Variants in DNAH6 observed in about 807,000 individuals in gnomAD.
DNAH6 encodes the protein dynein axonemal heavy chain 6, also known as axonemal beta dynein heavy chain 6.
Under a neutral mutation model 491.4 loss-of-function variants are expected in DNAH6, and 340 were observed. The ratio of observed to expected loss-of-function variants is 0.69; its 90% CI spans 0.63 to 0.76. DNAH6 has a LOEUF of 0.76. Ranked by LOEUF, DNAH6 falls within the 30% of genes least tolerant of loss-of-function variation. The pLI is 0.00. For missense variants in DNAH6, 4,443 were observed against 4,972.2 expected, an observed-to-expected ratio of 0.89 and a Z score of 3.20; for synonymous variants, 1,603 against 1,686.1, an observed-to-expected ratio of 0.95 and a Z score of 1.21.
intron 47 of DNAH6, among the ~76,000 whole-genome samples, chr2:84,698,036 CCTGTGGCGGG>C (rs1160932513): frequency 6.6e-6 from 1 of 152,204 alleles, no homozygotes; most frequent in African/African-American, 2.4e-5. Context: ...CAGCACCCTA[CCTGTGGCGGG>C]CTGAAGGCAT....
the DNAH6 span, among the ~76,000 whole-genome samples, chr2:84,507,352 A>C: frequency 6.6e-6 from 1 of 152,122 alleles, no homozygotes; most frequent in Admixed American, 6.5e-5. Context: ...TTCACTCAAG[A>C]TTTGGCTCTC....
At chr2:84,771,193 C>T (rs1200020222) in intron 64 of DNAH6, among the ~76,000 whole-genome samples, 2 of 151,638 alleles carry the variant, frequency 1.3e-5, no homozygotes, top group East Asian at 1.9e-4. Flanking sequence ...GAGACTGAGG[C>T]AGGAGAACCA....
chr2:84,710,212 T>C, intron 55 of DNAH6, 75 bp from the exon 56 acceptor site: 2 of 1,493,556 alleles, frequency 1.3e-6, no homozygotes, highest in South Asian at 2.7e-5. Flanking sequence ...TTCCACACTT[T>C]CTTCTAAAGC....
the DNAH6 span, among the ~76,000 whole-genome samples, chr2:84,480,753 A>G: frequency 6.6e-6 from 1 of 152,206 alleles, no homozygotes; most frequent in Non-Finnish European, 1.5e-5. Context: ...ACCTTAGGTC[A>G]GGAGTTCAAG....
intron 42 of DNAH6, among the ~76,000 whole-genome samples, chr2:84,683,789 T>G (rs1438016915): frequency 2.6e-5 from 4 of 152,160 alleles, no homozygotes; most frequent in African/African-American, 9.7e-5. Flanking sequence ...ATCTGCAAAG[T>G]AGCCAAAGTA....
chr2:84,598,159 C>CTTTCTTTCTTTCTTTCTTTCTCTCTTTCT (rs1684844441), intron 18 of DNAH6, among the ~76,000 whole-genome samples: 3 of 71,202 alleles, frequency 4.2e-5, no homozygotes, highest in African/African-American at 1.0e-4. Context: ...TTCTTTCTTT[C>CTTTCTTTCTTTCTTTCTTTCTCTCTTTCT]TTTCTTTCTT....
In DNAH6 at chr2:84,805,690, A is replaced by G; in HGVS notation, c.11507A>G (p.Asn3836Ser). The G allele has an allele frequency of 6.4e-7, 1 of 1,551,778 alleles. No homozygotes were observed. The highest frequency in any genetic ancestry group is 8.7e-7 in the Non-Finnish European group (1 of 1,146,922). ...TACAAAGAGACCAGCACTTTAATCAACACCATACTTGAGGTTCAGCCAAGG... is the reference window on the plus strand; with the variant it reads ...TACAAAGAGACCAGCACTTTAATCAGCACCATACTTGAGGTTCAGCCAAGG... ...FQYKETSTLI[N>S]TILEVQPRSS... The change falls in exon 71 of 77, where the codon AAC becomes AGC. Residue 3836 changes from asparagine to serine, a missense_variant. Asn to Ser is a conservative substitution (Grantham distance 46, BLOSUM62 1). This residue lies in a region of DNAH6 where 1,463 missense variants were observed against 1,656.6 expected (regional missense o/e 0.88). Coordinates refer to ENST00000389394, the MANE Select transcript of DNAH6 (RefSeq NM_001370.2).
At chr2:84,603,147 A>G (rs185075788) in intron 18 of DNAH6, among the ~76,000 whole-genome samples, 1 of 152,012 alleles carries the variant, frequency 6.6e-6, no homozygotes, top group East Asian at 1.9e-4. Flanking sequence ...GCCTTTTCAC[A>G]TGCATCTTAA....
At chr2:84,535,619 A>G (rs1677608844) in intron 4 of DNAH6, among the ~76,000 whole-genome samples, 1 of 151,196 alleles carries the variant, frequency 6.6e-6, no homozygotes, top group African/African-American at 2.4e-5. Flanking sequence ...ATGAATCACT[A>G]TTGTAGAATT....
chr2:84,650,912 C>G (rs966180009), intron 33 of DNAH6, among the ~76,000 whole-genome samples: 3 of 152,106 alleles, frequency 2.0e-5, no homozygotes, highest in Admixed American at 6.6e-5. Flanking sequence ...CTTATTTTAG[C>G]TGGCTTTTCC....
chr2:84,762,745 C>G lies in DNAH6; in HGVS notation c.10513-10C>G. 1 of 1,518,426 alleles carries G rather than the reference C, an allele frequency of 6.6e-7. No individual in the cohort carries two copies. Among genetic ancestry groups the G allele is most frequent in the African/African-American group, 1.4e-5 (1 of 70,774 alleles). 94.1% of individuals were successfully genotyped at this position (1,518,426 alleles called of 1,614,324 possible). ...ATTCAACATACTTTTTTTTTCTTTT[C>G]AACTTTCAGGTGGTTTTTGCTCTTA... On this transcript the variant is annotated splice_polypyrimidine_tract_variant and intron_variant, in intron 63 of 76. Coordinates refer to ENST00000389394, the MANE Select transcript of DNAH6 (RefSeq NM_001370.2).
chr2:84,711,845 C>T (rs1697074785), intron 56 of DNAH6, among the ~76,000 whole-genome samples: 1 of 152,246 alleles, frequency 6.6e-6, no homozygotes, highest in Admixed American at 6.5e-5. Context: ...CTCCAGAAAA[C>T]TTTGGCACAG....
At chr2:84,480,853 C>T in the DNAH6 span, among the ~76,000 whole-genome samples, 1 of 152,014 alleles carries the variant, frequency 6.6e-6, no homozygotes, top group Non-Finnish European at 1.5e-5. Context: ...ATCCCAGCTA[C>T]TGGAGAGGCT....
intron 70 of DNAH6, among the ~76,000 whole-genome samples, chr2:84,801,534 C>A (rs528456235): frequency 1.3e-5 from 2 of 152,202 alleles, no homozygotes; most frequent in South Asian, 4.1e-4. Flanking sequence ...AGACTCTCAG[C>A]AGAAAACTTA....
the DNAH6 span, among the ~76,000 whole-genome samples, chr2:84,474,954 C>T: frequency 6.6e-6 from 1 of 152,164 alleles, no homozygotes; most frequent in Non-Finnish European, 1.5e-5. Context: ...ACCAAAGCCT[C>T]CTGTTCTTTT....
chr2:84,801,153 G>A (rs1018359499), intron 70 of DNAH6, among the ~76,000 whole-genome samples: 1 of 148,544 alleles, frequency 6.7e-6, no homozygotes. Flanking sequence ...GCTAGATGAC[G>A]AGTTAGTGGG....
At chr2:84,718,084 C>A in intron 58 of DNAH6, 120 bp from the exon 59 acceptor site, 2 of 796,726 alleles carry the variant, frequency 2.5e-6, no homozygotes, top group Non-Finnish European at 3.8e-6. Flanking sequence ...TGGCCATCAG[C>A]ATTAATGCTC....
chr2:84,728,003 G>C (rs1218584145), intron 61 of DNAH6, 101 bp downstream of exon 61: 1 of 756,402 alleles, frequency 1.3e-6, no homozygotes, highest in East Asian at 2.7e-5. Flanking sequence ...TGTGCTGTAG[G>C]ATGGACCTGG....
intron 50 of DNAH6, 137 bp downstream of exon 50, chr2:84,703,699 T>TC (rs1573541976): frequency 2.3e-6 from 2 of 874,274 alleles, no homozygotes; most frequent in Non-Finnish European, 3.3e-6. Flanking sequence ...AAGTTTTTTT[T>TC]TTTTTAGCAA....
Sources: allele counts gnomAD v4.1 joint callset (sites outside exome capture counted in the v4.1 genomes callset), GRCh38; gene constraint gnomAD v4.1.1; regional missense constraint gnomAD v4.1.1; transcripts MANE v1.5; gene names NCBI Gene and HGNC (gene_info 2026-07-23, HGNC 2026-07-21).